Variants in MID1 observed in about 807,000 individuals in gnomAD.
MID1 encodes the protein E3 ubiquitin-protein ligase Midline-1.
MID1 carries 7 observed loss-of-function variants against 40.4 expected under a neutral mutation model. The observed-to-expected ratio is 0.17, with a 90% CI of 0.10 to 0.33. The LOEUF (loss-of-function observed/expected upper bound fraction) is 0.33, where lower values mean the gene tolerates loss of function less well. Among genes scored for constraint, MID1 ranks in the 10% least tolerant of loss-of-function variants. The pLI, the probability that MID1 is intolerant of heterozygous loss-of-function variation, is 1.00. For missense variants in MID1, 367 were observed against 558.5 expected (o/e 0.66, Z 3.46); for synonymous variants, 229 against 221.2 (o/e 1.04, Z -0.31).
intron 1 of MID1, among the ~76,000 whole-genome samples, chrX:10,579,788 GA>G (rs1328412696): frequency 2.8e-5 from 3 of 105,839 alleles, no homozygotes; most frequent in African/African-American, 1.1e-4. Context: ...GTCAGGGGAA[GA>G]AGTCTTTTTT....
In MID1 at chrX:10,814,576, G is replaced by GGT. The variant is rs60218622; in HGVS notation, c.-187+18976_-187+18977dup. On this transcript the variant is annotated intron_variant, in intron 1 of 10. Coordinates refer to the MID1 transcript ENST00000380785. Reference sequence around the variant, plus strand: ...AGATTTCTTCAGTTTTGCTTGTACTGGTGTGTGTGTGTGTGTGTGTGTGTG... The same window carrying GGT: ...AGATTTCTTCAGTTTTGCTTGTACTGGTGTGTGTGTGTGTGTGTGTGTGTGTG... Among the ~76,000 whole-genome samples, 995 of 101,958 alleles carry GGT rather than the reference G, an allele frequency of 9.8e-3. 4 individuals carry two copies. The highest frequency in any genetic ancestry group is 0.013 in the Non-Finnish European group (636 of 50,309). 88.5% of individuals were successfully genotyped at this position (101,958 alleles called of 115,157 possible).
At chrX:10,793,111 G>A (rs1466490855) in intron 1 of MID1, among the ~76,000 whole-genome samples, 1 of 112,109 alleles carries the variant, frequency 8.9e-6, no homozygotes, top group Non-Finnish European at 1.9e-5. Context: ...TACAAAATGG[G>A]TTCTATTATG....
chrX:10,637,634 AAAAG>A (rs1292074470), intron 1 of MID1, among the ~76,000 whole-genome samples: 1 of 110,293 alleles, frequency 9.1e-6, no homozygotes, highest in Admixed American at 9.7e-5. Flanking sequence ...AAAAAAAAAA[AAAAG>A]AAAGAAAGAA....
intron 2 of MID1, among the ~76,000 whole-genome samples, chrX:10,556,320 C>T (rs1217733312): frequency 9.0e-6 from 1 of 111,183 alleles, no homozygotes; most frequent in Non-Finnish European, 1.9e-5. Context: ...AAGAGCCGCT[C>T]CCCTCCACCC....
Position 10,538,409 on chromosome X carries a change from A to T in MID1, c.661-15222T>A, listed in dbSNP as rs60023187. On this transcript the variant is annotated intron_variant, in intron 2 of 9. Transcript: ENST00000317552. ...TTCTTCCCAAGGTTTCCATTCTAACAATCTTCCATGAATCACTGGTTTTCA... is the reference window on the plus strand; with the variant it reads ...TTCTTCCCAAGGTTTCCATTCTAACTATCTTCCATGAATCACTGGTTTTCA... 3.4e-3 allele frequency among the ~76,000 whole-genome samples: 381 copies of T among 111,326 alleles called. 2 individuals carry two copies. The highest frequency in any genetic ancestry group is 0.012 in the African/African-American group (357 of 30,657).
Position 10,553,756 on chromosome X carries a change from G to A in MID1, c.660+13132C>T, listed in dbSNP as rs1934017238. Among the ~76,000 whole-genome samples, 3 of 111,522 alleles carry A rather than the reference G, an allele frequency of 2.7e-5. No homozygotes were observed. The South Asian group carries it at 1.1e-3, about 42-fold the overall frequency. ...ATATGGATTTCCATATTTCAACTTTGTATTTTTACTTCTTTATTTATATTA... is the reference window on the plus strand; with the variant it reads ...ATATGGATTTCCATATTTCAACTTTATATTTTTACTTCTTTATTTATATTA... On this transcript the variant is annotated intron_variant, in intron 2 of 9. Transcript: ENST00000317552.
chrX:10,480,192 T>G (rs975967177), intron 5 of MID1, among the ~76,000 whole-genome samples: 2 of 112,354 alleles, frequency 1.8e-5, no homozygotes, highest in African/African-American at 6.5e-5. Flanking sequence ...AGAAGCACAT[T>G]CTTTGTAGAA....
rs773326006 is a variant in MID1, at chrX:10,772,147, A to C, written c.-187+61407T>G. On this transcript the variant is annotated intron_variant, in intron 1 of 10. Coordinates refer to the MID1 transcript ENST00000380785. ...AATAAAGTGTGGGGTGTGTGTGTAT[A>C]TGTGTGTGTGTATATATATGTATAT... is the stretch of plus-strand genomic sequence containing the variant. Among the ~76,000 whole-genome samples, 3 of 110,681 alleles carry C rather than the reference A, an allele frequency of 2.7e-5. No homozygotes were observed. The South Asian group carries it at 1.1e-3, about 42-fold the overall frequency.
chrX:10,505,998 G>A (rs182236402), intron 3 of MID1: 17 of 756,614 alleles, frequency 2.2e-5, no homozygotes, highest in East Asian at 3.0e-4. Flanking sequence ...ACGTGATTAC[G>A]TCACTGATAG....
At chrX:10,811,566 T>C (rs771946807) in intron 1 of MID1, among the ~76,000 whole-genome samples, 1 of 112,279 alleles carries the variant, frequency 8.9e-6, no homozygotes, top group Non-Finnish European at 1.9e-5. Context: ...ATTGACCATA[T>C]GCTGGGTACT....
chrX:10,806,457 G>A (rs1290208202), intron 1 of MID1, among the ~76,000 whole-genome samples: 1 of 111,984 alleles, frequency 8.9e-6, no homozygotes, highest in Admixed American at 9.5e-5. Context: ...TTTGTACTAT[G>A]ACCTCAATTC....
chrX:10,683,191 CT>C (rs1275299698), intron 1 of MID1, among the ~76,000 whole-genome samples: 3 of 111,754 alleles, frequency 2.7e-5, no homozygotes, highest in Non-Finnish European at 5.6e-5. Context: ...GAACTCAGCC[CT>C]GATTCTCTAG....
chrX:10,812,633 C>T (rs1300094946), intron 1 of MID1, among the ~76,000 whole-genome samples: 1 of 111,278 alleles, frequency 9.0e-6, no homozygotes, highest in East Asian at 2.8e-4. Context: ...CACCAGCATG[C>T]GAGTCATTCC....
chrX:10,449,306 TC>T lies in MID1; in HGVS notation c.*61del. ...ACTCATGAAGCCTGTGCTTTCTCAGTCCCCTAAATAGTGGCCTGAACCTTAC... is the reference window on the plus strand; with the variant it reads ...ACTCATGAAGCCTGTGCTTTCTCAGTCCCTAAATAGTGGCCTGAACCTTAC... On this transcript the variant is annotated 3_prime_UTR_variant, in exon 10 of 10. Coordinates refer to ENST00000317552, the MANE Select transcript of MID1 (RefSeq NM_000381.4). 5.2e-6 allele frequency: 5 copies of T among 958,422 alleles called. No homozygotes were observed. The highest frequency in any genetic ancestry group is 7.4e-6 in the Non-Finnish European group (5 of 677,256). 79.0% of individuals were successfully genotyped at this position (958,422 alleles called of 1,213,427 possible). A position where few individuals can be genotyped will look rare whatever the true frequency, so the allele number is the denominator to read the frequency against.
chrX:10,586,817 G>A (rs1935152345), intron 1 of MID1, among the ~76,000 whole-genome samples: 1 of 112,673 alleles, frequency 8.9e-6, no homozygotes. Flanking sequence ...CTTGGCCAGG[G>A]CCTTACAGTC....
intron 3 of MID1, among the ~76,000 whole-genome samples, chrX:10,522,253 T>C (rs1024451744): frequency 3.6e-5 from 4 of 111,637 alleles, no homozygotes; most frequent in African/African-American, 1.3e-4. Context: ...ACCAGGAGAA[T>C]GTGATAACGG....
At chrX:10,555,831 G>A (rs1934098298) in intron 2 of MID1, among the ~76,000 whole-genome samples, 1 of 110,572 alleles carries the variant, frequency 9.0e-6, no homozygotes, top group African/African-American at 3.3e-5. Context: ...AAGGGAGGAG[G>A]CAGACGATGA....
intron 1 of MID1, among the ~76,000 whole-genome samples, chrX:10,756,063 C>A (rs2043631088): frequency 8.9e-6 from 1 of 112,001 alleles, no homozygotes; most frequent in South Asian, 3.8e-4. Context: ...CATGACACCA[C>A]CTTAAGAAAT....
intron 7 of MID1, among the ~76,000 whole-genome samples, chrX:10,465,187 T>TTATATATATATATATATATATATA (rs1170214071): frequency 4.2e-5 from 2 of 48,071 alleles, no homozygotes; most frequent in African/African-American, 1.8e-4. Flanking sequence ...GTCTGAAATT[T>TTATATATATATATATATATATATA]TATATATATA....
Sources: gnomAD v4.1 joint callset for allele counts (sites outside exome capture counted in the v4.1 genomes callset) on GRCh38, gnomAD v4.1.1 for gene constraint, MANE v1.5 for transcripts, NCBI Gene and HGNC (gene_info 2026-07-23, HGNC 2026-07-21) for gene names.